ZIM3: variants seen among roughly 807,000 people sequenced by gnomAD.
ZIM3 encodes the protein zinc finger imprinted 3.
In ZIM3, 11 loss-of-function variants were observed where a neutral mutation model predicts 12.9. The observed-to-expected ratio is 0.85, with a 90% CI of 0.54 to 1.41. The LOEUF (loss-of-function observed/expected upper bound fraction) is 1.41, where lower values mean the gene tolerates loss of function less well. Ranked by LOEUF, ZIM3 falls within the 40% of genes most tolerant of loss-of-function variation. The pLI is 0.00. For synonymous variants in ZIM3, 205 were observed against 198.5 expected (o/e 1.03, Z -0.28); for missense variants, 604 against 557.2 (o/e 1.08, Z -0.85).
Position 57,135,758 on chromosome 19 carries a change from T to C in ZIM3, c.579A>G (p.Lys193=). 1.2e-6 allele frequency: 2 copies of C among 1,613,950 alleles called. No individual in the cohort carries two copies. Among genetic ancestry groups the C allele is most frequent in the Non-Finnish European group, 1.7e-6 (2 of 1,179,986 alleles). ...QSHLRRHACQ[K]PFECHSCGRA... Reference sequence around the variant, plus strand: ...TTCCACAGCTATGACATTCAAAGGGTTTTTGACAGGCATGCCTCCTCAGGT... The same window carrying C: ...TTCCACAGCTATGACATTCAAAGGGCTTTTGACAGGCATGCCTCCTCAGGT... The change falls in exon 5 of 5, where the codon AAA becomes AAG. Residue 193 remains lysine (K), a synonymous_variant. Transcript: ENST00000269834.
Position 57,135,204 on chromosome 19 carries a change from AG to A in ZIM3, c.1132del (p.Leu378SerfsTer55). On this transcript the variant is annotated frameshift_variant, in exon 5 of 5. Coordinates refer to ENST00000269834, the MANE Select transcript of ZIM3 (RefSeq NM_052882.1). LOFTEE classifies it low-confidence loss of function (END_TRUNC). Reference sequence around the variant, plus strand: ...AGTATGGATTTTTTTATGTTGAATGAGGTTTTTCTTCTGGATAAAGGTATTT... The same window carrying A: ...AGTATGGATTTTTTTATGTTGAATGAGTTTTTCTTCTGGATAAAGGTATTT... ...CGNTFIQKKN[L>X]IQHKKIHTGE... The A allele has an allele frequency of 6.2e-7, 1 of 1,613,562 alleles. No homozygotes were observed. The highest frequency in any genetic ancestry group is 8.5e-7 in the Non-Finnish European group (1 of 1,179,874).
chr19:57,139,770 A>C (rs1003209946), intron 2 of ZIM3, among the ~76,000 whole-genome samples: 2 of 152,168 alleles, frequency 1.3e-5, no homozygotes, highest in Non-Finnish European at 2.9e-5. Context: ...ATAGCCCCCT[A>C]ATTCTTCCAG....
Position 57,134,891 on chromosome 19 carries a change from C to T in ZIM3, c.*27G>A, listed in dbSNP as rs764744766. On this transcript the variant is annotated 3_prime_UTR_variant, in exon 5 of 5. Transcript: ENST00000269834. ...GACAATTCCAGGCAACCATATCTTC[C>T]CATGTTTTTTTAAGTGCATGGGGCT... is the stretch of plus-strand genomic sequence containing the variant. The T allele has an allele frequency of 6.4e-7, 1 of 1,567,328 alleles. No homozygotes were observed. Among genetic ancestry groups the T allele is most frequent in the Non-Finnish European group, 8.6e-7 (1 of 1,158,876 alleles).
At chr19:57,137,858 G>A (rs866881575) in intron 3 of ZIM3, among the ~76,000 whole-genome samples, 5 of 73,888 alleles carry the variant, frequency 6.8e-5, no homozygotes, top group African/African-American at 1.6e-4. Flanking sequence ...AAGGAAGGAA[G>A]GAAGGAAGGA....
At chr19:57,144,384 A>G (rs531679465) in intron 1 of ZIM3, among the ~76,000 whole-genome samples, 1 of 152,292 alleles carries the variant, frequency 6.6e-6, no homozygotes, top group East Asian at 1.9e-4. Flanking sequence ...TATGTTTTTA[A>G]AAAGAATAAA....
At position 57,135,143 on chromosome 19, in the gene ZIM3, T is replaced by C. The variant is rs774744233; in HGVS notation, c.1194A>G (p.Lys398=). The change falls in exon 5 of 5, where the codon AAA becomes AAG. Residue 398 remains lysine (K), a synonymous_variant. Transcript: ENST00000269834. ...GAAGGTTTGACTTCTGAAAGAAGGC[T>C]TTTCCACATCTGTTACATTCATAGG... ...EKPYECNRCG[K]AFFQKSNLHS... is the part of the protein sequence containing the mutation. 1.2e-6 allele frequency: 2 copies of C among 1,614,214 alleles called. No individual in the cohort carries two copies. The highest frequency in any genetic ancestry group is 1.7e-5 in the Admixed American group (1 of 60,026).
intron 2 of ZIM3, among the ~76,000 whole-genome samples, chr19:57,141,913 GC>G (rs1429814950): frequency 1.3e-5 from 2 of 150,738 alleles, no homozygotes; most frequent in Non-Finnish European, 2.9e-5. Flanking sequence ...ATGTCTCCTT[GC>G]CCCCTCCCTA....
In ZIM3 at chr19:57,134,808, C is replaced by A. The variant is rs201479652; in HGVS notation, c.*110G>T. 2.2e-4 allele frequency: 255 copies of A among 1,146,764 alleles called. 3 individuals are homozygous for A. In the East Asian group the frequency reaches 5.9e-3, roughly 27 times the overall value. 71.0% of individuals were successfully genotyped at this position (1,146,764 alleles called of 1,614,324 possible). A position where few individuals can be genotyped will look rare whatever the true frequency, so the allele number is the denominator to read the frequency against. ...AAAGGATACTGTGATAATAAGTCCTCGCTACCTTCAAAAATAGCCTCCAAA... is the reference window on the plus strand; with the variant it reads ...AAAGGATACTGTGATAATAAGTCCTAGCTACCTTCAAAAATAGCCTCCAAA... On this transcript the variant is annotated 3_prime_UTR_variant, in exon 5 of 5. Coordinates refer to ENST00000269834, the MANE Select transcript of ZIM3 (RefSeq NM_052882.1).
chr19:57,139,285 G>A (rs995293505), intron 2 of ZIM3, among the ~76,000 whole-genome samples: 10 of 150,660 alleles, frequency 6.6e-5, no homozygotes, highest in South Asian at 2.1e-4. Context: ...CCAAGATTGC[G>A]CCACTGCACT....
At chr19:57,139,017 CCTAT>C (rs1205716327) in intron 2 of ZIM3, among the ~76,000 whole-genome samples, 8 of 152,012 alleles carry the variant, frequency 5.3e-5, no homozygotes, top group African/African-American at 1.9e-4. Context: ...TAGCAAAACC[CCTAT>C]CTCAAAGAAC....
In ZIM3 at chr19:57,135,226, T is replaced by C. The variant is rs1199726374; in HGVS notation, c.1111A>G (p.Thr371Ala). ...RAYECDLCGNTFIQKKNLIQH... is the reference protein window; with the variant it reads ...RAYECDLCGNAFIQKKNLIQH... ...ATGAGGTTTTTCTTCTGGATAAAGGTATTTCCACATAGATCACACTCATAA... is the reference window on the plus strand; with the variant it reads ...ATGAGGTTTTTCTTCTGGATAAAGGCATTTCCACATAGATCACACTCATAA... Residue 371 changes from threonine to alanine, a missense_variant, in exon 5 of 5, where the codon ACC (threonine) becomes GCC (alanine). Thr to Ala is a moderately conservative substitution (Grantham distance 58, BLOSUM62 0). Transcript: ENST00000269834. 4 of 1,613,692 alleles carry C rather than the reference T, an allele frequency of 2.5e-6. No individual in the cohort carries two copies. The highest frequency in any genetic ancestry group is 3.4e-6 in the Non-Finnish European group (4 of 1,179,896).
intron 3 of ZIM3, 129 bp from the exon 4 acceptor site, chr19:57,137,100 G>T: frequency 1.2e-6 from 1 of 848,674 alleles, no homozygotes; most frequent in Non-Finnish European, 2.0e-6. Context: ...GCATTTATAT[G>T]TCAGTGTGTG....
rs796925584 is a variant in ZIM3, at chr19:57,135,076, A to G, written c.1261T>C (p.Cys421Arg). The G allele has an allele frequency of 6.2e-7, 1 of 1,614,066 alleles. No homozygotes were observed. Among genetic ancestry groups the G allele is most frequent in the African/African-American group, 1.3e-5 (1 of 74,914 alleles). ...ATGAAGGTTTTTCCACATTCACTAC[A>G]TCTATAGGTCCTCTCTCCGCTATGA... ...KTHSGERTYRCSECGKTFIRK... is the reference protein window; with the variant it reads ...KTHSGERTYRRSECGKTFIRK... Residue 421 changes from cysteine (C) to arginine (R), a missense_variant, in exon 5 of 5, where the codon TGT becomes CGT. By Grantham distance (180) the Cys-to-Arg change is radical (BLOSUM62 -3). Coordinates refer to ENST00000269834, the MANE Select transcript of ZIM3 (RefSeq NM_052882.1).
Position 57,135,690 on chromosome 19 carries a change from G to C in ZIM3, c.647C>G (p.Thr216Ser), listed in dbSNP as rs1400133892. 6.2e-7 allele frequency: 1 copy of C among 1,613,690 alleles called. No individual in the cohort carries two copies. Among genetic ancestry groups the C allele is most frequent in the Admixed American group, 1.7e-5 (1 of 59,954 alleles). ...EKWKLDKHQKTHAEERPYKCE... is the reference protein window; with the variant it reads ...EKWKLDKHQKSHAEERPYKCE... ...TTTATAGGGCCTTTCCTCTGCGTGAGTTTTCTGATGTTTATCAAGCTTCCA... is the reference window on the plus strand; with the variant it reads ...TTTATAGGGCCTTTCCTCTGCGTGACTTTTCTGATGTTTATCAAGCTTCCA... The change falls in exon 5 of 5, where the codon ACT (threonine) becomes AGT (serine). Residue 216 changes from threonine to serine, a missense_variant. Thr to Ser is a moderately conservative substitution (Grantham distance 58, BLOSUM62 1). Coordinates refer to ENST00000269834, the MANE Select transcript of ZIM3 (RefSeq NM_052882.1).
rs376866859 is a variant in ZIM3 at position 57,138,544 on chromosome 19, G to A, written c.70C>T (p.Arg24Trp). 2.7e-5 allele frequency: 43 copies of A among 1,613,906 alleles called. No individual in the cohort carries two copies. Among genetic ancestry groups the A allele is most frequent in the East Asian group, 1.8e-4 (8 of 44,876 alleles). The change falls in exon 3 of 5, where the codon CGG becomes TGG. Residue 24 changes from arginine (R) to tryptophan (W), a missense_variant. Physicochemically the swap from Arg to Trp is moderately radical, Grantham distance 101. Coordinates refer to ENST00000269834, the MANE Select transcript of ZIM3 (RefSeq NM_052882.1). ...TVNFTQGEWQ[R>W]LNPEQRNLYR... ...AAGTTTCTCTGTTCGGGATTCAGCC[G>A]CTGCCACTCCCCCTGGGTGAAGTTC...
chr19:57,138,219 A>AG (rs1383438419), intron 3 of ZIM3, among the ~76,000 whole-genome samples: 2 of 152,128 alleles, frequency 1.3e-5, no homozygotes, highest in African/African-American at 4.8e-5. Flanking sequence ...AGTAGGGTGA[A>AG]GGGCAGGGCA....
chr19:57,136,168 A>C, intron 4 of ZIM3, 73 bp from the exon 5 acceptor site: 1 of 1,366,056 alleles, frequency 7.3e-7, no homozygotes, highest in African/African-American at 1.5e-5. Context: ...TGCCATAAAC[A>C]ATCTATTGTG....
intron 2 of ZIM3, among the ~76,000 whole-genome samples, chr19:57,141,215 T>C (rs937624621): frequency 2.6e-5 from 4 of 151,706 alleles, no homozygotes; most frequent in Admixed American, 2.0e-4. Context: ...ACCAATATGG[T>C]AAAACCCCAT....
chr19:57,138,628 A>G, intron 2 of ZIM3, 30 bp from the exon 3 acceptor site: 1 of 1,608,822 alleles, frequency 6.2e-7, no homozygotes, highest in East Asian at 2.2e-5. Context: ...ATCAGTATAA[A>G]AATGCCATTG....
Sources: gnomAD v4.1 joint callset for allele counts (sites outside exome capture counted in the v4.1 genomes callset) on GRCh38, gnomAD v4.1.1 for gene constraint, MANE v1.5 for transcripts, NCBI Gene and HGNC (gene_info 2026-07-23, HGNC 2026-07-21) for gene names.